LHPP: variants seen among roughly 807,000 people sequenced by gnomAD.
LHPP encodes hLHPP.
Under a neutral mutation model 30.3 loss-of-function variants are expected in LHPP, and 24 were observed. The observed-to-expected ratio is 0.79, with a 90% CI of 0.57 to 1.11. The LOEUF (loss-of-function observed/expected upper bound fraction) is 1.11. LHPP is among the 50% of genes most tolerant of loss of function. The probability of loss-of-function intolerance (pLI) is 0.00; values close to 1 mark genes in which losing one functional copy is unlikely to be tolerated. For missense variants in LHPP, 356 were observed against 367.2 expected, an observed-to-expected ratio of 0.97 and a Z score of 0.25; for synonymous variants, 150 against 157.1, an observed-to-expected ratio of 0.95 and a Z score of 0.34.
At position 124,574,668 on chromosome 10, in the gene LHPP, A is replaced by G. The variant is rs532146049; in HGVS notation, c.717-38596A>G. Among the ~76,000 whole-genome samples the G allele has an allele frequency of 9.2e-5, 14 of 152,282 alleles. No homozygotes were observed. In the Middle Eastern group the frequency reaches 0.01, roughly 111 times the overall value. On this transcript the variant is annotated intron_variant, in intron 6 of 6. Transcript: ENST00000368842. ...CTGGAATGGTGCTGGAGGAGGCAGC[A>G]TCTGATTTGGGCCCCGTAGGGCCAG...
rs371381515 is a variant in LHPP, at chr10:124,563,043, A to G, written c.716+45772A>G. Among the ~76,000 whole-genome samples the G allele has an allele frequency of 2.1e-4, 32 of 152,306 alleles. No homozygotes were observed. The East Asian group carries it at 5.8e-3, about 27-fold the overall frequency. On this transcript the variant is annotated intron_variant, in intron 6 of 6. Transcript: ENST00000368842. ...CTGGTGAGAAGGTAAAATGATACAA[A>G]TGCTCTGGAAAATAGCTTGGCAGTG...
At chr10:124,607,214 A>C (rs1949106775) in intron 6 of LHPP, among the ~76,000 whole-genome samples, 1 of 152,142 alleles carries the variant, frequency 6.6e-6, no homozygotes, top group East Asian at 1.9e-4. Flanking sequence ...GACATCTCTG[A>C]GGTCCACAGG....
intron 6 of LHPP, among the ~76,000 whole-genome samples, chr10:124,585,323 TG>T (rs1260964226): frequency 6.6e-6 from 1 of 152,118 alleles, no homozygotes; most frequent in Non-Finnish European, 1.5e-5. Flanking sequence ...TTTTAAGAAA[TG>T]GAGACTTAGG....
intron 2 of LHPP, among the ~76,000 whole-genome samples, chr10:124,485,217 T>TG (rs1953286475): frequency 6.6e-6 from 1 of 152,162 alleles, no homozygotes; most frequent in South Asian, 2.1e-4. Flanking sequence ...TCCTTCTCTG[T>TG]AATCTAGGAT....
At chr10:124,545,645 A>AG (rs144690534) in intron 6 of LHPP, among the ~76,000 whole-genome samples, 10,645 of 151,990 alleles carry the variant, frequency 0.07, 690 homozygotes, top group African/African-American at 0.17. Flanking sequence ...CGGGTGTGTC[A>AG]GGGGGCGGGG....
At chr10:124,553,747 C>G (rs559606893) in intron 6 of LHPP, among the ~76,000 whole-genome samples, 1 of 152,358 alleles carries the variant, frequency 6.6e-6, no homozygotes, top group South Asian at 2.1e-4. Context: ...GCGTGAGCCA[C>G]CACGCCCGGC....
chr10:124,497,690 G>T (rs1216910395), intron 4 of LHPP, among the ~76,000 whole-genome samples: 3 of 152,224 alleles, frequency 2.0e-5, no homozygotes, highest in African/African-American at 4.8e-5. Flanking sequence ...CAGGGGAGAA[G>T]AGGGGGAGAA....
intron 6 of LHPP, among the ~76,000 whole-genome samples, chr10:124,579,180 G>A (rs1948713181): frequency 6.6e-6 from 1 of 152,202 alleles, no homozygotes; most frequent in African/African-American, 2.4e-5. Context: ...CCTCTTTAAG[G>A]AACATCTCCC....
chr10:124,550,395 G>T (rs1024467885), intron 6 of LHPP, among the ~76,000 whole-genome samples: 1 of 152,220 alleles, frequency 6.6e-6, no homozygotes, highest in African/African-American at 2.4e-5. Context: ...AGGAGAGAGG[G>T]CCTGTCCTCC....
At chr10:124,552,230 T>C (rs1398411372) in intron 6 of LHPP, among the ~76,000 whole-genome samples, 1 of 152,156 alleles carries the variant, frequency 6.6e-6, no homozygotes, top group Non-Finnish European at 1.5e-5. Context: ...CTAAGCACTT[T>C]ATGTACATTC....
chr10:124,546,424 A>G (rs184264035), intron 6 of LHPP, among the ~76,000 whole-genome samples: 131 of 151,468 alleles, frequency 8.6e-4, no homozygotes, highest in Non-Finnish European at 1.7e-3. Flanking sequence ...TTTTTTTGAG[A>G]CGGAGTCTCA....
Position 124,593,455 on chromosome 10 carries a change from G to A in LHPP, c.717-19809G>A, listed in dbSNP as rs1365750527. On this transcript the variant is annotated intron_variant, in intron 6 of 6. Transcript: ENST00000368842. This position sits in a 1 kb window ranked among gnomAD's most constrained non-coding sequence, Gnocchi z 4.9. ...AGGCCCTCCATCTCTCAGGTTGGGG[G>A]ATCACTCTTGTTTCCCTGCAGTTGT... Among the ~76,000 whole-genome samples the A allele has an allele frequency of 6.6e-6, 1 of 152,198 alleles. No homozygotes were observed. Among genetic ancestry groups the A allele is most frequent in the Non-Finnish European group, 1.5e-5 (1 of 68,034 alleles).
At chr10:124,529,201 A>T (rs1954824063) in intron 6 of LHPP, among the ~76,000 whole-genome samples, 1 of 151,308 alleles carries the variant, frequency 6.6e-6, no homozygotes, top group African/African-American at 2.4e-5. Context: ...TGCCCAGCTA[A>T]TTTTTTTGTA....
At chr10:124,533,804 C>T (rs74853536) in intron 6 of LHPP, among the ~76,000 whole-genome samples, 2,461 of 152,350 alleles carry the variant, frequency 0.016, 60 homozygotes, top group African/African-American at 0.055. Context: ...AAGGGTCCCA[C>T]GCTGCAGAGG....
chr10:124,496,977 A>G lies in LHPP; in HGVS notation c.484A>G (p.Thr162Ala). The G allele has an allele frequency of 6.2e-7, 1 of 1,613,692 alleles. No individual in the cohort carries two copies. ...SLGKGRYYKE[T>A]SGLMLDVGPY... ...CTCTCCTAGGCGTTACTACAAGGAG[A>G]CCTCTGGCCTGATGCTGGACGTTGG... Residue 162 changes from threonine (T) to alanine (A), a missense_variant, in exon 4 of 7, where the codon ACC (threonine) becomes GCC (alanine). Transcript: ENST00000368842. The surrounding 1 kb of genome is among the most constrained non-coding windows in gnomAD (Gnocchi z 4.3).
At chr10:124,579,874 T>G (rs1198543480) in intron 6 of LHPP, among the ~76,000 whole-genome samples, 2 of 142,406 alleles carry the variant, frequency 1.4e-5, no homozygotes, top group African/African-American at 5.3e-5. Context: ...GACGTGCCAT[T>G]TCTGTCCCCT....
At chr10:124,583,807 C>T (rs564706122) in intron 6 of LHPP, among the ~76,000 whole-genome samples, 28 of 152,308 alleles carry the variant, frequency 1.8e-4, no homozygotes, top group South Asian at 8.3e-4. Flanking sequence ...TACAATTCAA[C>T]GTGAGATTTG....
At chr10:124,536,172 G>T (rs1955021913) in intron 6 of LHPP, among the ~76,000 whole-genome samples, 1 of 152,256 alleles carries the variant, frequency 6.6e-6, no homozygotes, top group Admixed American at 6.5e-5. Context: ...CGTGCAGACT[G>T]GCCCTGCGGT....
rs1953721516 is a variant in LHPP, at chr10:124,496,726, G to A, written c.468-235G>A. Among the ~76,000 whole-genome samples, 1 of 152,216 alleles carries A rather than the reference G, an allele frequency of 6.6e-6. No individual in the cohort carries two copies. The highest frequency in any genetic ancestry group is 1.5e-5 in the Non-Finnish European group (1 of 68,040). On this transcript the variant is annotated intron_variant, in intron 3 of 6. Transcript: ENST00000368842. This position sits in a 1 kb window ranked among gnomAD's most constrained non-coding sequence, Gnocchi z 4.3. ...AGGGTTGCGTTCTGTGCGACCTGTG[G>A]CATCCCTGGAGCTGCTGGCTGCTGC...
Sources: allele counts gnomAD v4.1 joint callset (sites outside exome capture counted in the v4.1 genomes callset), GRCh38; gene constraint gnomAD v4.1.1; non-coding constraint Gnocchi (gnomAD v3.1); transcripts MANE v1.5; gene names NCBI Gene and HGNC (gene_info 2026-07-23, HGNC 2026-07-21).